ARHGAP25: variants seen among roughly 807,000 people sequenced by gnomAD.
ARHGAP25 encodes the protein Rho GTPase activating protein 25, also known as rho GTPase-activating protein 25.
In ARHGAP25, 34 loss-of-function variants were observed where a neutral mutation model predicts 71.0. That is an observed-to-expected ratio of 0.48 (90% CI 0.36 to 0.64). The LOEUF is 0.64. ARHGAP25 is among the 30% of genes least tolerant of loss of function. ARHGAP25 has a pLI of 0.00. For missense variants in ARHGAP25, 706 were observed against 805.1 expected (o/e 0.88, Z 1.49); for synonymous variants, 282 against 296.5 (o/e 0.95, Z 0.50).
At chr2:68,737,090 G>A (rs1164273012) in intron 1 of ARHGAP25, among the ~76,000 whole-genome samples, 1 of 152,154 alleles carries the variant, frequency 6.6e-6, no homozygotes, top group Non-Finnish European at 1.5e-5. Flanking sequence ...ATACAGAGGA[G>A]CCCTTGTCAT....
Position 68,822,827 on chromosome 2 carries a change from A to C in ARHGAP25, c.1688A>C (p.Lys563Thr). The C allele has an allele frequency of 1.2e-6, 2 of 1,613,788 alleles. No individual in the cohort carries two copies. The highest frequency in any genetic ancestry group is 1.7e-6 in the Non-Finnish European group (2 of 1,179,948). ...CAGAGGATGGTCCAAGAGCTACGAA[A>C]GGAAATAGAAACACAGAAGCAAATG... Reference protein sequence around the residue: ...SLQRMVQELRKEIETQKQMYE... With the variant: ...SLQRMVQELRTEIETQKQMYE... The change falls in exon 10 of 11, where the codon AAG (lysine) becomes ACG (threonine). Residue 563 changes from lysine (K) to threonine (T), a missense_variant. Physicochemically the swap from Lys to Thr is moderately conservative, Grantham distance 78. Coordinates refer to ENST00000409202, the MANE Select transcript of ARHGAP25 (RefSeq NM_001007231.3).
intron 1 of ARHGAP25, among the ~76,000 whole-genome samples, chr2:68,759,034 G>A (rs1003680381): frequency 8.6e-5 from 13 of 151,728 alleles, no homozygotes; most frequent in Non-Finnish European, 1.6e-4. Flanking sequence ...TCACAAAGAT[G>A]GTTAGAAAAT....
At chr2:68,775,716 G>C (rs1677842850) in intron 2 of ARHGAP25, 1 of 569,516 alleles carries the variant, frequency 1.8e-6, no homozygotes, top group South Asian at 1.5e-5. Context: ...AGGGCTCAGA[G>C]AGAGTGGATT....
chr2:68,735,270 G>T lies in ARHGAP25; in HGVS notation c.61+10G>T, dbSNP rs1675151905. 6.2e-7 allele frequency: 1 copy of T among 1,613,510 alleles called. No individual in the cohort carries two copies. Reference sequence around the variant, plus strand: ...GAGGCTGCGAAAATAGGTATGGTTGGTGTCTTTTCGTTGCCTCTGTGATTC... The same window carrying T: ...GAGGCTGCGAAAATAGGTATGGTTGTTGTCTTTTCGTTGCCTCTGTGATTC... On this transcript the variant is annotated intron_variant, in intron 1 of 10. Transcript: ENST00000409202.
intron 3 of ARHGAP25, among the ~76,000 whole-genome samples, chr2:68,784,843 G>A (rs1678633483): frequency 6.6e-6 from 1 of 152,198 alleles, no homozygotes; most frequent in Non-Finnish European, 1.5e-5. Context: ...TTTCTGATAG[G>A]ATAGCAATTA....
chr2:68,824,950 A>C (rs1682005518), intron 10 of ARHGAP25, among the ~76,000 whole-genome samples: 1 of 152,128 alleles, frequency 6.6e-6, no homozygotes, highest in South Asian at 2.1e-4. Context: ...AGGGAGGCAC[A>C]CTCTACAGAA....
At chr2:68,821,130 T>C (rs78170467) in intron 9 of ARHGAP25, among the ~76,000 whole-genome samples, 2,850 of 138,686 alleles carry the variant, frequency 0.021, 105 homozygotes, top group African/African-American at 0.071. Context: ...AGGGTCTCAC[T>C]TTATTGCTTA....
rs1485281901 is a variant in ARHGAP25 at position 68,767,464 on chromosome 2, G to A, written c.62-7757G>A. ...GCGTGTGTGTATGTGTGCGGGGTGTGGGCAGGGACGTATGAATCTGTTTAT... is the reference window on the plus strand; with the variant it reads ...GCGTGTGTGTATGTGTGCGGGGTGTAGGCAGGGACGTATGAATCTGTTTAT... On this transcript the variant is annotated intron_variant, in intron 1 of 10. Transcript: ENST00000409202. This position sits in a 1 kb window ranked among gnomAD's most constrained non-coding sequence, Gnocchi z 4.6. Among the ~76,000 whole-genome samples, 1 of 152,110 alleles carries A rather than the reference G, an allele frequency of 6.6e-6. No homozygotes were observed. The highest frequency in any genetic ancestry group is 1.5e-5 in the Non-Finnish European group (1 of 68,010).
chr2:68,770,123 G>A (rs537485661), intron 1 of ARHGAP25, among the ~76,000 whole-genome samples: 35 of 152,290 alleles, frequency 2.3e-4, no homozygotes, highest in East Asian at 1.2e-3. Context: ...AGAGAGACCA[G>A]CGGAGGTAAA....
chr2:68,804,698 C>T (rs1680239978), intron 4 of ARHGAP25, among the ~76,000 whole-genome samples: 1 of 152,202 alleles, frequency 6.6e-6, no homozygotes, highest in South Asian at 2.1e-4. Flanking sequence ...CATGGCAGGG[C>T]ACTCAATGCA....
chr2:68,804,895 A>G (rs1160007135), intron 4 of ARHGAP25, among the ~76,000 whole-genome samples: 3 of 152,192 alleles, frequency 2.0e-5, no homozygotes, highest in African/African-American at 7.2e-5. Context: ...GGGGATGAAA[A>G]CAGCCTTTCC....
At chr2:68,726,473 G>A (rs1674886323) in intron 2 of ARHGAP25, among the ~76,000 whole-genome samples, 1 of 152,156 alleles carries the variant, frequency 6.6e-6, no homozygotes, top group Non-Finnish European at 1.5e-5. Flanking sequence ...AATCCCCTGG[G>A]AACGAATTTC....
chr2:68,821,535 A>G (rs1319171129), intron 9 of ARHGAP25, among the ~76,000 whole-genome samples: 1 of 152,208 alleles, frequency 6.6e-6, no homozygotes, highest in Non-Finnish European at 1.5e-5. Flanking sequence ...ATTTGATTGT[A>G]TGATTTTGAG....
Position 68,819,286 on chromosome 2 carries a change from C to G in ARHGAP25, c.1167C>G (p.Leu389=). ...SSVGWDATED[L]RISRTDSFSS... ...TAGGCTGGGATGCCACTGAAGACCTCCGAATTTCTAGGACAGACAGCTTCA... is the reference window on the plus strand; with the variant it reads ...TAGGCTGGGATGCCACTGAAGACCTGCGAATTTCTAGGACAGACAGCTTCA... Residue 389 remains leucine (L), a synonymous_variant, in exon 9 of 11, where the codon CTC becomes CTG. Coordinates refer to ENST00000409202, the MANE Select transcript of ARHGAP25 (RefSeq NM_001007231.3). 6.2e-7 allele frequency: 1 copy of G among 1,614,166 alleles called. No individual in the cohort carries two copies.
chr2:68,796,816 G>A (rs1412914302), intron 4 of ARHGAP25, among the ~76,000 whole-genome samples: 2 of 152,138 alleles, frequency 1.3e-5, no homozygotes, highest in African/African-American at 4.8e-5. Flanking sequence ...TGTAGTAGTG[G>A]TGTACTGGGC....
intron 1 of ARHGAP25, among the ~76,000 whole-genome samples, chr2:68,746,558 C>A (rs957472490): frequency 6.6e-6 from 1 of 152,140 alleles, no homozygotes; most frequent in Non-Finnish European, 1.5e-5. Context: ...TTTCTGCAGA[C>A]GGTTGATTGC....
intron 1 of ARHGAP25, among the ~76,000 whole-genome samples, chr2:68,753,904 ATTT>A (rs4071637): frequency 3.5e-5 from 5 of 141,390 alleles, no homozygotes; most frequent in African/African-American, 5.2e-5. Context: ...GGTAAGATGT[ATTT>A]TTTTTTTTTT....
At chr2:68,714,401 G>C (rs1674563339) in intron 2 of ARHGAP25, among the ~76,000 whole-genome samples, 2 of 151,998 alleles carry the variant, frequency 1.3e-5, no homozygotes, top group African/African-American at 4.8e-5. Flanking sequence ...CTGGTTAGTG[G>C]TCTATGTATT....
chr2:68,728,566 A>G (rs1472104305), intron 2 of ARHGAP25, among the ~76,000 whole-genome samples: 1 of 152,206 alleles, frequency 6.6e-6, no homozygotes, highest in Non-Finnish European at 1.5e-5. Context: ...AAGCAATGAT[A>G]ATGCCATTTT....
Sources: allele counts gnomAD v4.1 joint callset (sites outside exome capture counted in the v4.1 genomes callset), GRCh38; gene constraint gnomAD v4.1.1; non-coding constraint Gnocchi (gnomAD v3.1); transcripts MANE v1.5; gene names NCBI Gene and HGNC (gene_info 2026-07-23, HGNC 2026-07-21).